TBC1D5: variants seen among roughly 807,000 people sequenced by gnomAD.
TBC1D5 encodes TBC1 domain family member 5.
A neutral mutation model predicts 100.3 loss-of-function variants in TBC1D5; 75 were observed. The ratio of observed to expected loss-of-function variants is 0.75; its 90% CI spans 0.62 to 0.91. The LOEUF (loss-of-function observed/expected upper bound fraction) is 0.91, where lower values mean the gene tolerates loss of function less well. Ranked by LOEUF, TBC1D5 falls within the 40% of genes least tolerant of loss-of-function variation. The pLI is 0.00. For missense variants in TBC1D5, 910 were observed against 942.4 expected, an observed-to-expected ratio of 0.97 and a Z score of 0.45; for synonymous variants, 323 against 325.6, an observed-to-expected ratio of 0.99 and a Z score of 0.09.
chr3:17,484,490 T>TGTGTGTGTGTGTC (rs2095536962), intron 3 of TBC1D5, among the ~76,000 whole-genome samples: 1 of 99,408 alleles, frequency 1.0e-5, no homozygotes, highest in African/African-American at 4.9e-5. Context: ...GTGTGTGTGT[T>TGTGTGTGTGTGTC]TGGGTAACAA....
intron 2 of TBC1D5, among the ~76,000 whole-genome samples, chr3:17,561,779 GT>G (rs2096560822): frequency 6.6e-6 from 1 of 152,194 alleles, no homozygotes; most frequent in African/African-American, 2.4e-5. Context: ...TTCATTTTAT[GT>G]TGGCATGATC....
At chr3:17,344,247 T>G (rs2089506902) in intron 13 of TBC1D5, among the ~76,000 whole-genome samples, 1 of 152,090 alleles carries the variant, frequency 6.6e-6, no homozygotes, top group South Asian at 2.1e-4. Context: ...TGTACAAAAA[T>G]CACAAGCATT....
At chr3:17,297,227 C>T (rs2060624) in intron 14 of TBC1D5, among the ~76,000 whole-genome samples, 61,357 of 152,080 alleles carry the variant, frequency 0.4, 13,049 homozygotes, top group Middle Eastern at 0.5. Flanking sequence ...CTGTTTTCTC[C>T]ACCTTCTCTA....
chr3:17,476,745 T>C (rs1210186556), intron 3 of TBC1D5, among the ~76,000 whole-genome samples: 1 of 151,952 alleles, frequency 6.6e-6, no homozygotes, highest in African/African-American at 2.4e-5. Flanking sequence ...GTGTCCTCTA[T>C]ATTTATTCAG....
intron 2 of TBC1D5, among the ~76,000 whole-genome samples, chr3:17,551,166 A>G (rs2096469461): frequency 6.6e-6 from 1 of 152,124 alleles, no homozygotes; most frequent in Non-Finnish European, 1.5e-5. Flanking sequence ...TTTGCAGACA[A>G]CAAGCTAATT....
chr3:17,485,492 T>TC (rs1263125899), intron 3 of TBC1D5, among the ~76,000 whole-genome samples: 12 of 40,214 alleles, frequency 3.0e-4, no homozygotes, highest in Non-Finnish European at 4.6e-4. Context: ...CCATCCCCCC[T>TC]CCCCCCACCC....
At chr3:17,376,558 G>C (rs768359424) in exon 10 of TBC1D5, 1 of 1,613,070 alleles carries the variant, frequency 6.2e-7, no homozygotes, top group East Asian at 2.2e-5. Flanking sequence ...ATGTAGAAAA[G>C]CTTGGTGGTC....
intron 13 of TBC1D5, among the ~76,000 whole-genome samples, chr3:17,340,082 G>A (rs563705793): frequency 6.6e-6 from 1 of 152,278 alleles, no homozygotes; most frequent in Admixed American, 6.5e-5. Flanking sequence ...AGTTCCCACT[G>A]TGTTTACAAA....
intron 13 of TBC1D5, among the ~76,000 whole-genome samples, chr3:17,349,201 T>C (rs2090262360): frequency 6.6e-6 from 1 of 152,302 alleles, no homozygotes; most frequent in Non-Finnish European, 1.5e-5. Context: ...TATCAGTATA[T>C]ATCAGTGGTT....
At chr3:17,570,784 T>C (rs1464690797) in intron 2 of TBC1D5, among the ~76,000 whole-genome samples, 1 of 152,002 alleles carries the variant, frequency 6.6e-6, no homozygotes. Flanking sequence ...GTCGATACAG[T>C]TGTTCATCCT....
In TBC1D5 at chr3:17,315,518, T is replaced by C. The variant is rs78895535; in HGVS notation, c.996-7384A>G. On this transcript the variant is annotated intron_variant, in intron 13 of 21. Coordinates refer to ENST00000253692, the Ensembl canonical transcript of TBC1D5. ...ACGTCTAAGGTTTAACACTATCAAC[T>C]ATGTGGGTCTAAATATCCCTAAAAT... 4.3e-3 allele frequency among the ~76,000 whole-genome samples: 659 copies of C among 152,338 alleles called. 4 individuals carry two copies. Among genetic ancestry groups the C allele is most frequent in the African/African-American group, 0.014 (593 of 41,564 alleles).
chr3:17,700,279 G>T (rs1350832597), intron 1 of TBC1D5, among the ~76,000 whole-genome samples: 3 of 151,960 alleles, frequency 2.0e-5, no homozygotes, highest in Admixed American at 6.6e-5. Context: ...TAGCCATATG[G>T]AGAAAGCTGA....
At chr3:17,540,541 ATCC>A (rs2096340977) in intron 2 of TBC1D5, among the ~76,000 whole-genome samples, 1 of 152,034 alleles carries the variant, frequency 6.6e-6, no homozygotes, top group Non-Finnish European at 1.5e-5. Context: ...ACATGTGGCT[ATCC>A]CGTTTTCCCA....
At chr3:17,553,867 A>G (rs1352111004) in intron 2 of TBC1D5, among the ~76,000 whole-genome samples, 3 of 152,242 alleles carry the variant, frequency 2.0e-5, no homozygotes, top group Non-Finnish European at 4.4e-5. Flanking sequence ...TATTGTTTAC[A>G]GAAGGTAAAT....
intron 9 of TBC1D5, among the ~76,000 whole-genome samples, chr3:17,380,492 A>G (rs1225354707): frequency 6.6e-6 from 1 of 152,090 alleles, no homozygotes. Flanking sequence ...CATGAATTCA[A>G]TATGCTACAA....
At chr3:17,571,665 A>G (rs2153507635) in intron 2 of TBC1D5, among the ~76,000 whole-genome samples, 1 of 151,996 alleles carries the variant, frequency 6.6e-6, no homozygotes, top group African/African-American at 2.4e-5. Flanking sequence ...AACACTCACA[A>G]TCTCACACAC....
chr3:17,197,974 T>C (rs1363181624), intron 18 of TBC1D5, among the ~76,000 whole-genome samples: 1 of 151,928 alleles, frequency 6.6e-6, no homozygotes, highest in African/African-American at 2.4e-5. Context: ...GAGGTGGAGG[T>C]TGCAGGGAGC....
chr3:17,161,375 C>T (rs1481944133), intron 21 of TBC1D5, 119 bp from the exon 23 acceptor site: 5 of 1,173,952 alleles, frequency 4.3e-6, no homozygotes, highest in Non-Finnish European at 4.7e-6. Flanking sequence ...ACCCTACATT[C>T]GACCTTGAAA....
chr3:17,560,791 C>T (rs566074289), intron 2 of TBC1D5, among the ~76,000 whole-genome samples: 4 of 151,006 alleles, frequency 2.6e-5, no homozygotes, highest in South Asian at 2.1e-4. Context: ...TGTGGTGGCC[C>T]GCGTCTGTAA....
Sources: allele counts gnomAD v4.1 joint callset (sites outside exome capture counted in the v4.1 genomes callset), GRCh38; gene constraint gnomAD v4.1.1; transcripts MANE v1.5; gene names NCBI Gene and HGNC (gene_info 2026-07-23, HGNC 2026-07-21).